Variants in DENND6A observed in about 807,000 individuals in gnomAD.
The protein encoded by DENND6A is protein DENND6A.
Under a neutral mutation model 95.5 loss-of-function variants are expected in DENND6A, and 43 were observed. The ratio of observed to expected loss-of-function variants is 0.45; its 90% confidence interval spans 0.35 to 0.58. DENND6A has a LOEUF of 0.58. Among genes scored for constraint, DENND6A ranks in the 20% least tolerant of loss-of-function variants. The pLI is 0.00. For missense variants in DENND6A, 574 were observed against 736.0 expected (o/e 0.78, Z 2.55); for synonymous variants, 257 against 260.4 (o/e 0.99, Z 0.13).
Position 57,666,173 on chromosome 3 carries a change from G to A in DENND6A, c.382C>T (p.Leu128=). 1 of 1,613,880 alleles carries A rather than the reference G, an allele frequency of 6.2e-7. No homozygotes were observed. Among genetic ancestry groups the A allele is most frequent in the Non-Finnish European group, 8.5e-7 (1 of 1,179,876 alleles). ...FRQSSGRRVS[L]HCLLDQFDKD... is the part of the protein sequence containing the mutation. ...TCAAATTGATCCAGGAGACAATGCA[G>A]CGACACCCTCCTCCCAGAAGACTGT... The change falls in exon 4 of 20, where the codon CTG becomes TTG. Residue 128 remains leucine, a synonymous_variant. Coordinates refer to ENST00000311128, the MANE Select transcript of DENND6A (RefSeq NM_152678.3).
intron 4 of DENND6A, among the ~76,000 whole-genome samples, chr3:57,664,099 TA>T (rs966782324): frequency 4.0e-5 from 6 of 151,532 alleles, no homozygotes; most frequent in South Asian, 4.2e-4. Flanking sequence ...TGACTGAAGT[TA>T]AAAAAAAATC....
chr3:57,662,564 T>C (rs1020033825), intron 5 of DENND6A, among the ~76,000 whole-genome samples: 2 of 152,168 alleles, frequency 1.3e-5, no homozygotes, highest in African/African-American at 4.8e-5. Context: ...ATGGCTAAGA[T>C]GTTGCTAAAG....
intron 1 of DENND6A, among the ~76,000 whole-genome samples, chr3:57,690,466 A>T (rs1201958526): frequency 6.6e-6 from 1 of 151,976 alleles, no homozygotes; most frequent in Non-Finnish European, 1.5e-5. Context: ...GCTTGCAGGG[A>T]GACGAGATTG....
At chr3:57,652,595 C>T (rs2153414754) in intron 9 of DENND6A, among the ~76,000 whole-genome samples, 1 of 152,244 alleles carries the variant, frequency 6.6e-6, no homozygotes, top group Middle Eastern at 3.4e-3. Context: ...CAATAAATAA[C>T]ATATATAGTT....
intron 1 of DENND6A, among the ~76,000 whole-genome samples, chr3:57,681,330 G>T (rs1411508062): frequency 6.6e-6 from 1 of 152,052 alleles, no homozygotes; most frequent in Non-Finnish European, 1.5e-5. Context: ...CAGGCGTGGT[G>T]GCGGGCACCT....
chr3:57,687,624 C>T (rs1212265463), intron 1 of DENND6A, among the ~76,000 whole-genome samples: 1 of 152,100 alleles, frequency 6.6e-6, no homozygotes, highest in Non-Finnish European at 1.5e-5. Flanking sequence ...CAATACCTGG[C>T]TTCAAAGTTT....
At chr3:57,641,547 C>A in intron 12 of DENND6A, 106 bp downstream of exon 12, 1 of 922,272 alleles carries the variant, frequency 1.1e-6, no homozygotes. Context: ...CTCCAAAGGC[C>A]TTGAAGAAAG....
chr3:57,653,406 G>A (rs1273081089), intron 9 of DENND6A, among the ~76,000 whole-genome samples: 1 of 152,082 alleles, frequency 6.6e-6, no homozygotes, highest in African/African-American at 2.4e-5. Context: ...TGGGTGGGAG[G>A]TAAGTTTTTA....
chr3:57,691,495 A>T (rs887574537), intron 1 of DENND6A, among the ~76,000 whole-genome samples: 1 of 152,146 alleles, frequency 6.6e-6, no homozygotes, highest in African/African-American at 2.4e-5. Context: ...AACTAACATA[A>T]TGCCTGGTTC....
intron 9 of DENND6A, among the ~76,000 whole-genome samples, chr3:57,648,978 A>G (rs771113826): frequency 1.3e-5 from 2 of 152,230 alleles, no homozygotes; most frequent in Non-Finnish European, 2.9e-5. Flanking sequence ...CATGACCAAG[A>G]ACCCAAAAGC....
At chr3:57,630,383 C>A in intron 18 of DENND6A, 38 bp downstream of exon 18, 1 of 1,498,502 alleles carries the variant, frequency 6.7e-7, no homozygotes, top group Non-Finnish European at 9.0e-7. Flanking sequence ...TTATTTTCAA[C>A]AGTTGTTAAT....
At position 57,641,677 on chromosome 3, in the gene DENND6A, G is replaced by GAATAATGT; in HGVS notation, c.1100_1107dup (p.Arg370ThrfsTer5). 1 of 1,612,214 alleles carries GAATAATGT rather than the reference G, an allele frequency of 6.2e-7. No individual in the cohort carries two copies. The highest frequency in any genetic ancestry group is 8.5e-7 in the Non-Finnish European group (1 of 1,178,964). On this transcript the variant is annotated frameshift_variant, in exon 12 of 20. Transcript: ENST00000311128. LOFTEE classifies it high-confidence loss of function. ...CCTGTAGGTTTAAGGTCTCCTATTC[G>GAATAATGT]AATAATGTGTGGCCAGTGCTGGAGT...
chr3:57,682,837 G>A (rs150760424), intron 1 of DENND6A, among the ~76,000 whole-genome samples: 4 of 152,016 alleles, frequency 2.6e-5, no homozygotes, highest in South Asian at 2.1e-4. Context: ...CATCCCGCCC[G>A]GCTAATTTTT....
chr3:57,629,810 C>CT (rs2070626213), intron 18 of DENND6A, among the ~76,000 whole-genome samples: 1 of 152,056 alleles, frequency 6.6e-6, no homozygotes, highest in Non-Finnish European at 1.5e-5. Flanking sequence ...GCGTGAGCCA[C>CT]TGCACCCGGC....
chr3:57,656,793 C>T (rs2071335454), intron 9 of DENND6A, among the ~76,000 whole-genome samples: 1 of 152,056 alleles, frequency 6.6e-6, no homozygotes, highest in African/African-American at 2.4e-5. Context: ...CCCATCTCTA[C>T]TAAAAATACA....
chr3:57,634,357 C>T (rs997959003), intron 14 of DENND6A, among the ~76,000 whole-genome samples: 2 of 150,098 alleles, frequency 1.3e-5, no homozygotes, highest in Admixed American at 6.7e-5. Flanking sequence ...CACTTGAACC[C>T]GGGAGGTGGA....
chr3:57,639,611 A>G (rs1252293054), intron 12 of DENND6A, among the ~76,000 whole-genome samples: 1 of 152,186 alleles, frequency 6.6e-6, no homozygotes, highest in Non-Finnish European at 1.5e-5. Context: ...TATCATTAAT[A>G]CTCAGACAGA....
chr3:57,641,869 AC>A (rs1478917913), intron 11 of DENND6A, 122 bp from the exon 12 acceptor site: 1 of 687,858 alleles, frequency 1.5e-6, no homozygotes, highest in African/African-American at 1.8e-5. Context: ...CCTTTATTCA[AC>A]ACATTACATA....
chr3:57,640,945 T>C (rs1384178285), intron 12 of DENND6A, among the ~76,000 whole-genome samples: 2 of 152,026 alleles, frequency 1.3e-5, no homozygotes, highest in Admixed American at 6.6e-5. Flanking sequence ...AGGTACTGTA[T>C]GTCTTTTCCA....
Sources: gnomAD v4.1 joint callset for allele counts (sites outside exome capture counted in the v4.1 genomes callset) on GRCh38, gnomAD v4.1.1 for gene constraint, MANE v1.5 for transcripts, NCBI Gene and HGNC (gene_info 2026-07-23, HGNC 2026-07-21) for gene names.